Variants in ITGA2 observed in about 807,000 individuals in gnomAD.
The protein encoded by ITGA2 is integrin alpha-2.
In ITGA2, 101 loss-of-function variants were observed where a neutral mutation model predicts 146.3. The observed-to-expected ratio is 0.69, with a 90% CI of 0.59 to 0.81. The LOEUF is 0.81. Ranked by LOEUF, ITGA2 falls within the 40% of genes least tolerant of loss-of-function variation. The pLI is 0.00. For synonymous variants in ITGA2, 477 were observed against 487.1 expected (o/e 0.98, Z 0.27); for missense variants, 1,281 against 1,402.7 (o/e 0.91, Z 1.39).
chr5:53,059,940 C>T lies in ITGA2; in HGVS notation c.1240C>T (p.His414Tyr). The T allele has an allele frequency of 6.2e-7, 1 of 1,612,270 alleles. No homozygotes were observed. The highest frequency in any genetic ancestry group is 8.5e-7 in the Non-Finnish European group (1 of 1,178,910). ...TGGGACCATTGTCCAGAAGACATCT[C>T]ATGGCCATTTGATCTTTCCTAAACA... is the stretch of plus-strand genomic sequence containing the variant. ...WSGTIVQKTS[H>Y]GHLIFPKQAF... Residue 414 changes from histidine to tyrosine, a missense_variant, in exon 11 of 30, where the codon CAT (histidine) becomes TAT (tyrosine). By Grantham distance (83) the His-to-Tyr change is moderately conservative. This residue lies in a region of ITGA2 where 795 missense variants were observed against 841.7 expected (regional missense o/e 0.94). Transcript: ENST00000296585.
Position 53,045,005 on chromosome 5 carries a change from A to G in ITGA2, c.300A>G (p.Ser100=), listed in dbSNP as rs1412009998. The change falls in exon 4 of 30, where the codon TCA becomes TCG. Residue 100 remains serine (S), a synonymous_variant. Coordinates refer to ENST00000296585, the MANE Select transcript of ITGA2 (RefSeq NM_002203.4). ...AAATTGTTTTCCCTTTGAAAGCTTC[A>G]ACAAGCATTCCAAATGTTACTGAGA... ...ATCEKLNLQT[S]TSIPNVTEMK... The G allele has an allele frequency of 6.2e-7, 1 of 1,612,478 alleles. No homozygotes were observed. Among genetic ancestry groups the G allele is most frequent in the Admixed American group, 1.7e-5 (1 of 60,022 alleles).
intron 18 of ITGA2, 115 bp from the exon 19 acceptor site, chr5:53,072,498 A>G: frequency 2.7e-6 from 2 of 728,558 alleles, no homozygotes; most frequent in South Asian, 3.1e-5. Flanking sequence ...ATATATTCCT[A>G]GAACATTGTT....
chr5:53,026,953 C>T, intron 2 of ITGA2, 85 bp downstream of exon 2: 1 of 1,201,774 alleles, frequency 8.3e-7, no homozygotes, highest in Non-Finnish European at 1.2e-6. Flanking sequence ...CAAATTGGTG[C>T]CTGACTGTAC....
At chr5:53,076,106 CACAG>C (rs971471367) in intron 23 of ITGA2, among the ~76,000 whole-genome samples, 21 of 152,112 alleles carry the variant, frequency 1.4e-4, no homozygotes, top group Admixed American at 5.9e-4. Flanking sequence ...GAGTTCATGG[CACAG>C]ACAAACTGGA....
In ITGA2 at chr5:53,059,872, AG is replaced by A; in HGVS notation, c.1174del. On this transcript the variant is annotated splice_acceptor_variant, in intron 10 of 29. Transcript: ENST00000296585. LOFTEE classifies it high-confidence loss of function. The stretch of plus-strand genomic sequence containing the variant: ...ATGATCTTCATTTTTCAATTATTTT[AG>A]GATATTCTGATGCTGGGTGCAGTGG... The A allele has an allele frequency of 6.2e-7, 1 of 1,611,674 alleles. No homozygotes were observed. Among genetic ancestry groups the A allele is most frequent in the Non-Finnish European group, 8.5e-7 (1 of 1,178,550 alleles).
chr5:53,037,059 C>T (rs574703233), intron 2 of ITGA2, among the ~76,000 whole-genome samples: 2 of 152,324 alleles, frequency 1.3e-5, no homozygotes, highest in East Asian at 3.9e-4. Flanking sequence ...TACAGACTCA[C>T]AGACCAAAGG....
intron 28 of ITGA2, among the ~76,000 whole-genome samples, chr5:53,087,632 A>AAAC (rs1740170275): frequency 6.6e-6 from 1 of 151,982 alleles, no homozygotes; most frequent in Admixed American, 6.6e-5. Flanking sequence ...GATAAAAAAA[A>AAAC]AAAAAAAAGC....
intron 28 of ITGA2, among the ~76,000 whole-genome samples, chr5:53,088,401 A>ATT (rs1176707014): frequency 6.6e-6 from 1 of 152,104 alleles, no homozygotes; most frequent in Admixed American, 6.6e-5. Context: ...AAAAGTAAAG[A>ATT]AAGGCTGGGC....
intron 1 of ITGA2, among the ~76,000 whole-genome samples, chr5:52,999,319 T>C (rs1436686014): frequency 2.6e-5 from 4 of 152,108 alleles, no homozygotes; most frequent in Non-Finnish European, 5.9e-5. Flanking sequence ...ACAGTAAATT[T>C]TAAAACTTTT....
intron 28 of ITGA2, 64 bp downstream of exon 28, chr5:53,087,105 C>T: frequency 9.0e-7 from 1 of 1,106,334 alleles, no homozygotes; most frequent in Non-Finnish European, 1.4e-6. Context: ...CTTCTAAAAG[C>T]CTGGGATAGT....
At chr5:53,008,532 C>A (rs1741968656) in intron 1 of ITGA2, among the ~76,000 whole-genome samples, 1 of 151,894 alleles carries the variant, frequency 6.6e-6, no homozygotes, top group Non-Finnish European at 1.5e-5. Context: ...TCATGTATTT[C>A]TTTGATATGA....
chr5:53,012,503 G>C (rs2111748793), intron 1 of ITGA2, among the ~76,000 whole-genome samples: 1 of 152,002 alleles, frequency 6.6e-6, no homozygotes. Context: ...GGCTACCTTT[G>C]GTGGGCATTT....
Position 53,059,884 on chromosome 5 carries a change from T to C in ITGA2, c.1184T>C (p.Met395Thr), listed in dbSNP as rs761794276. 1 of 1,612,148 alleles carries C rather than the reference T, an allele frequency of 6.2e-7. No individual in the cohort carries two copies. Among genetic ancestry groups the C allele is most frequent in the South Asian group, 1.1e-5 (1 of 91,044 alleles). Residue 395 changes from methionine to threonine, a missense_variant, in exon 11 of 30, where the codon ATG (methionine) becomes ACG (threonine). Physicochemically the swap from Met to Thr is moderately conservative, Grantham distance 81 (BLOSUM62 -1). This residue lies in a region of ITGA2 where 795 missense variants were observed against 841.7 expected (regional missense o/e 0.94). Coordinates refer to ENST00000296585, the MANE Select transcript of ITGA2 (RefSeq NM_002203.4). ...TTTCAATTATTTTAGGATATTCTGA[T>C]GCTGGGTGCAGTGGGAGCTTTTGGC... ...ADYSSQNDIL[M>T]LGAVGAFGWS... is the part of the protein sequence containing the mutation.
chr5:53,087,117 A>C, intron 28 of ITGA2, 76 bp downstream of exon 28: 1 of 945,610 alleles, frequency 1.1e-6, no homozygotes, highest in Non-Finnish European at 1.7e-6. Flanking sequence ...TGGGATAGTC[A>C]CTCTTCTTAC....
At chr5:52,995,440 A>T (rs1741189223) in intron 1 of ITGA2, among the ~76,000 whole-genome samples, 1 of 151,872 alleles carries the variant, frequency 6.6e-6, no homozygotes, top group Non-Finnish European at 1.5e-5. Flanking sequence ...TGGAGGATTT[A>T]TTGGAAAGGC....
Position 53,051,433 on chromosome 5 carries a change from A to T in ITGA2, c.653A>T (p.Asn218Ile). The change falls in exon 7 of 30, where the codon AAT becomes ATT. Residue 218 changes from asparagine to isoleucine, a missense_variant. Transcript: ENST00000296585. ...KTQVGLIQYANNPRVVFNLNT... is the reference protein window; with the variant it reads ...KTQVGLIQYAINPRVVFNLNT... ...AAGGTGGGGTTAATTCAGTATGCCA[A>T]TAATCCAAGAGTTGTGTTTAACTTG... 6.2e-7 allele frequency: 1 copy of T among 1,613,596 alleles called. No individual in the cohort carries two copies. Among genetic ancestry groups the T allele is most frequent in the African/African-American group, 1.3e-5 (1 of 75,028 alleles).
intron 1 of ITGA2, 127 bp from the exon 2 acceptor site, chr5:53,026,621 G>GCTAAAT: frequency 1.2e-6 from 1 of 830,750 alleles, no homozygotes; most frequent in East Asian, 2.7e-5. Context: ...TATTTTTTCT[G>GCTAAAT]GGTAAACGTT....
chr5:53,068,376 G>T (rs550620937), intron 16 of ITGA2, among the ~76,000 whole-genome samples: 1 of 151,846 alleles, frequency 6.6e-6, no homozygotes, highest in Non-Finnish European at 1.5e-5. Context: ...GTCAAAAACC[G>T]TTGCTGCATA....
chr5:53,074,382 C>G lies in ITGA2; in HGVS notation c.2572-3C>G. On this transcript the variant is annotated splice_region_variant and splice_polypyrimidine_tract_variant and intron_variant, in intron 20 of 29. Transcript: ENST00000296585. ...TCATTGTTGTTTCCTTGGTCTTGTT[C>G]AGGTTGATGGGACAGAAGTAACATG... 1 of 1,611,414 alleles carries G rather than the reference C, an allele frequency of 6.2e-7. No homozygotes were observed. The highest frequency in any genetic ancestry group is 8.5e-7 in the Non-Finnish European group (1 of 1,178,160).
Sources: gnomAD v4.1 joint callset for allele counts (sites outside exome capture counted in the v4.1 genomes callset) on GRCh38, gnomAD v4.1.1 for gene constraint, gnomAD v4.1.1 regional missense constraint, MANE v1.5 for transcripts, NCBI Gene and HGNC (gene_info 2026-07-23, HGNC 2026-07-21) for gene names.